Variants in NEURL1B observed in about 807,000 individuals in gnomAD.
NEURL1B encodes the protein E3 ubiquitin-protein ligase NEURL1B.
In NEURL1B, 13 loss-of-function variants were observed where a neutral mutation model predicts 37.4. The observed-to-expected ratio is 0.35, with a 90% CI of 0.23 to 0.55. The LOEUF is 0.55. Ranked by LOEUF, NEURL1B falls within the 20% of genes least tolerant of loss-of-function variation. NEURL1B has a pLI of 0.89. For missense variants in NEURL1B, 790 were observed against 879.2 expected, an observed-to-expected ratio of 0.90 and a Z score of 1.28; for synonymous variants, 432 against 426.6, an observed-to-expected ratio of 1.01 and a Z score of -0.16.
At position 172,664,820 on chromosome 5, in the gene NEURL1B, G is replaced by A. The variant is rs572219320; in HGVS notation, c.32-4965G>A. On this transcript the variant is annotated intron_variant, in intron 1 of 4. Transcript: ENST00000369800. Reference sequence around the variant, plus strand: ...TTCTTTATCTCACGTCAGCGCTGTGGTCTTGGGGAGGAAAAAAATAAAGAC... The same window carrying A: ...TTCTTTATCTCACGTCAGCGCTGTGATCTTGGGGAGGAAAAAAATAAAGAC... Among the ~76,000 whole-genome samples the A allele has an allele frequency of 2.6e-5, 4 of 152,274 alleles. No homozygotes were observed. In the East Asian group the frequency reaches 7.7e-4, roughly 29 times the overall value.
At chr5:172,650,025 T>C (rs2113262845) in intron 1 of NEURL1B, among the ~76,000 whole-genome samples, 1 of 152,342 alleles carries the variant, frequency 6.6e-6, no homozygotes, top group South Asian at 2.1e-4. Flanking sequence ...GGTCGAGGTG[T>C]CTTGGGCAGT....
At chr5:172,660,644 C>A (rs1370747387) in intron 1 of NEURL1B, among the ~76,000 whole-genome samples, 1 of 152,106 alleles carries the variant, frequency 6.6e-6, no homozygotes, top group Non-Finnish European at 1.5e-5. Context: ...TTTTTCTTTT[C>A]TCTTTATTTT....
At chr5:172,664,232 A>G (rs1757964095) in intron 1 of NEURL1B, among the ~76,000 whole-genome samples, 1 of 152,170 alleles carries the variant, frequency 6.6e-6, no homozygotes, top group Non-Finnish European at 1.5e-5. Flanking sequence ...GGCTGGGGTC[A>G]TATCTCAACG....
chr5:172,683,540 G>A lies in NEURL1B; in HGVS notation c.699G>A (p.Gln233=). ...NFDNNELENN[Q]VVAKLGHLAL... is the part of the protein sequence containing the mutation. ...ACAACAACGAGCTCGAGAACAACCA[G>A]GTGGTGGCCAAGCTGGGCCACCTGG... The change falls in exon 3 of 5, where the codon CAG becomes CAA. Residue 233 remains glutamine, a synonymous_variant. Transcript: ENST00000369800. This position sits in a 1 kb window ranked among gnomAD's most constrained non-coding sequence, Gnocchi z 5.6. 6.7e-7 allele frequency: 1 copy of A among 1,488,416 alleles called. No individual in the cohort carries two copies. The highest frequency in any genetic ancestry group is 8.9e-7 in the Non-Finnish European group (1 of 1,123,010). The allele number at this position is 1,488,416 out of a possible 1,614,324, so 92.2% of individuals were successfully genotyped here. A position where few individuals can be genotyped will look rare whatever the true frequency, so the allele number is the denominator to read the frequency against.
chr5:172,642,703 G>A (rs1304837060), intron 1 of NEURL1B, among the ~76,000 whole-genome samples: 1 of 152,236 alleles, frequency 6.6e-6, no homozygotes, highest in East Asian at 1.9e-4. Context: ...AAGCCTCTGA[G>A]CAACTGCACT....
At position 172,691,485 on chromosome 5, in the gene NEURL1B, T is replaced by C. The variant is rs1307930664; in HGVS notation, c.*4560T>C. The C allele has an allele frequency of 3.5e-5, 5 of 144,054 alleles. No homozygotes were observed. 8.9% of individuals were successfully genotyped at this position (144,054 alleles called of 1,614,324 possible). On this transcript the variant is annotated 3_prime_UTR_variant, in exon 5 of 5. Coordinates refer to ENST00000369800, the MANE Select transcript of NEURL1B (RefSeq NM_001142651.3). ...TTTTTGTCTTTTTATCTGTTTTATATTGACATAATTTTCCTGTTTAAAAAA... is the reference window on the plus strand; with the variant it reads ...TTTTTGTCTTTTTATCTGTTTTATACTGACATAATTTTCCTGTTTAAAAAA...
At chr5:172,671,814 G>A (rs1032672249) in intron 2 of NEURL1B, among the ~76,000 whole-genome samples, 4 of 152,218 alleles carry the variant, frequency 2.6e-5, no homozygotes, top group Non-Finnish European at 5.9e-5. Flanking sequence ...ATTGGGCAAG[G>A]AGGAAAGATT....
intron 2 of NEURL1B, among the ~76,000 whole-genome samples, chr5:172,681,350 A>G (rs1317604102): frequency 6.6e-6 from 1 of 152,266 alleles, no homozygotes; most frequent in Admixed American, 6.5e-5. Context: ...TTGTCTCTCC[A>G]TCACTTGATT....
At position 172,684,116 on chromosome 5, in the gene NEURL1B, C is replaced by A; in HGVS notation, c.1275C>A (p.Val425=). The change falls in exon 3 of 5, where the codon GTC becomes GTA. Residue 425 remains valine, a synonymous_variant. Transcript: ENST00000369800. ...LWAFFAVRGG[V]AGQLRLLGTL... is the part of the protein sequence containing the mutation. ...CCTTCTTCGCCGTGCGCGGCGGCGT[C>A]GCGGGCCAGCTGCGTCTCCTCGGTG... 3 of 1,258,620 alleles carry A rather than the reference C, an allele frequency of 2.4e-6. No individual in the cohort carries two copies. The highest frequency in any genetic ancestry group is 3.0e-6 in the Non-Finnish European group (3 of 1,001,534). The allele number at this position is 1,258,620 out of a possible 1,614,324, so 78.0% of individuals were successfully genotyped here.
chr5:172,672,537 C>CTT (rs1172352196), intron 2 of NEURL1B, among the ~76,000 whole-genome samples: 1 of 69,728 alleles, frequency 1.4e-5, no homozygotes, highest in African/African-American at 1.0e-4. Flanking sequence ...GTGAGGTGAA[C>CTT]TCTCCCCCCC....
intron 1 of NEURL1B, among the ~76,000 whole-genome samples, chr5:172,660,175 C>T (rs926531076): frequency 5.3e-5 from 8 of 152,222 alleles, no homozygotes; most frequent in East Asian, 3.9e-4. Context: ...CCCTGGGAGC[C>T]GGCGCCTCTG....
At chr5:172,642,631 A>T (rs1009636079) in intron 1 of NEURL1B, among the ~76,000 whole-genome samples, 2 of 152,242 alleles carry the variant, frequency 1.3e-5, no homozygotes, top group Admixed American at 1.3e-4. Flanking sequence ...GTTGAAGTGG[A>T]CAGTGCTGAG....
In NEURL1B at chr5:172,689,903, CTG is replaced by C. The variant is rs1561657008; in HGVS notation, c.*2979_*2980del. 6.6e-6 allele frequency: 1 copy of C among 152,316 alleles called. No homozygotes were observed. The highest frequency in any genetic ancestry group is 6.5e-5 in the Admixed American group (1 of 15,286). 9.4% of individuals were successfully genotyped at this position (152,316 alleles called of 1,614,324 possible). On this transcript the variant is annotated 3_prime_UTR_variant, in exon 5 of 5. Coordinates refer to ENST00000369800, the MANE Select transcript of NEURL1B (RefSeq NM_001142651.3). Reference sequence around the variant, plus strand: ...CGCATTCTCCTGGCAGAGCTGAGGTCTGAGAGATCTGGACTCCAACCCAAGGG... The same window carrying C: ...CGCATTCTCCTGGCAGAGCTGAGGTCAGAGATCTGGACTCCAACCCAAGGG...
In NEURL1B at chr5:172,684,895, G is replaced by A. The variant is rs891635938; in HGVS notation, c.1297+757G>A. On this transcript the variant is annotated intron_variant, in intron 3 of 4. Transcript: ENST00000369800. ...ATGTTCAGAGAAGGCTTCCCAGAGA[G>A]CCTGGCTCCAACTTCATGGCTCAAA... Among the ~76,000 whole-genome samples, 4 of 152,178 alleles carry A rather than the reference G, an allele frequency of 2.6e-5. No individual in the cohort carries two copies. In the East Asian group the frequency reaches 5.8e-4, roughly 22 times the overall value.
chr5:172,670,365 G>T, intron 2 of NEURL1B, 35 bp downstream of exon 2: 1 of 1,334,008 alleles, frequency 7.5e-7, no homozygotes, highest in Non-Finnish European at 9.6e-7. Flanking sequence ...TGGGGACCTG[G>T]CAGCGGTGCC....
rs1758553166 is a variant in NEURL1B at position 172,688,217 on chromosome 5, C to G, written c.*1292C>G. 1 of 153,028 alleles carries G rather than the reference C, an allele frequency of 6.5e-6. No homozygotes were observed. Among genetic ancestry groups the G allele is most frequent in the Non-Finnish European group, 1.5e-5 (1 of 68,324 alleles). 9.5% of individuals were successfully genotyped at this position (153,028 alleles called of 1,614,324 possible). ...TGTCCCTCCCTTCTTGCCCCCAGTT[C>G]TGGGCTCCACCTCTGCCCTCTTCTG... is the stretch of plus-strand genomic sequence containing the variant. On this transcript the variant is annotated 3_prime_UTR_variant, in exon 5 of 5. Coordinates refer to ENST00000369800, the MANE Select transcript of NEURL1B (RefSeq NM_001142651.3). This position sits in a 1 kb window ranked among gnomAD's most constrained non-coding sequence, Gnocchi z 4.3.
rs913870573 is a variant in NEURL1B, at chr5:172,665,850, G to C, written c.32-3935G>C. ...CCTAGTCCCCCCGGTGCCATCGCCT[G>C]AGATGGTCTTTATCACGCCTGTTGT... is the stretch of plus-strand genomic sequence containing the variant. On this transcript the variant is annotated intron_variant, in intron 1 of 4. Transcript: ENST00000369800. The surrounding 1 kb of genome is among the most constrained non-coding windows in gnomAD (Gnocchi z 4.1). Among the ~76,000 whole-genome samples, 1 of 152,170 alleles carries C rather than the reference G, an allele frequency of 6.6e-6. No individual in the cohort carries two copies. Among genetic ancestry groups the C allele is most frequent in the African/African-American group, 2.4e-5 (1 of 41,434 alleles).
Position 172,689,330 on chromosome 5 carries a change from A to G in NEURL1B, c.*2405A>G, listed in dbSNP as rs1758582673. 1.3e-5 allele frequency: 2 copies of G among 152,194 alleles called. No homozygotes were observed. The highest frequency in any genetic ancestry group is 4.1e-4 in the South Asian group (2 of 4,824). 9.4% of individuals were successfully genotyped at this position (152,194 alleles called of 1,614,324 possible). A position where few individuals can be genotyped will look rare whatever the true frequency, so the allele number is the denominator to read the frequency against. On this transcript the variant is annotated 3_prime_UTR_variant, in exon 5 of 5. Transcript: ENST00000369800. ...AAGGAGCCACTGTACTTTATTTTGC[A>G]CCTACAGCGTGCCTTGGCACTGGGC...
intron 2 of NEURL1B, among the ~76,000 whole-genome samples, chr5:172,672,538 T>TTTCC (rs1554098429): frequency 3.1e-5 from 2 of 65,480 alleles, no homozygotes; most frequent in African/African-American, 2.0e-4. Flanking sequence ...TGAGGTGAAC[T>TTTCC]CTCCCCCCCC....
Sources: gnomAD v4.1 joint callset for allele counts (sites outside exome capture counted in the v4.1 genomes callset) on GRCh38, gnomAD v4.1.1 for gene constraint, Gnocchi (gnomAD v3.1) non-coding constraint, MANE v1.5 for transcripts, NCBI Gene and HGNC (gene_info 2026-07-23, HGNC 2026-07-21) for gene names.